Variants in LRRC39 observed in about 807,000 individuals in gnomAD.
The protein encoded by LRRC39 is leucine-rich repeat-containing protein 39.
A neutral mutation model predicts 39.7 loss-of-function variants in LRRC39; 35 were observed. The observed-to-expected ratio is 0.88, with a 90% CI of 0.67 to 1.17. The LOEUF (loss-of-function observed/expected upper bound fraction) is 1.17. Ranked by LOEUF, LRRC39 falls within the 50% of genes most tolerant of loss-of-function variation. The pLI is 0.00. For synonymous variants in LRRC39, 113 were observed against 134.1 expected, an observed-to-expected ratio of 0.84 and a Z score of 1.09; for missense variants, 357 against 385.8, an observed-to-expected ratio of 0.93 and a Z score of 0.62.
chr1:100,161,275 C>G (rs767383007), intron 3 of LRRC39, among the ~76,000 whole-genome samples: 45 of 152,200 alleles, frequency 3.0e-4, no homozygotes, highest in Non-Finnish European at 6.0e-4. Flanking sequence ...TCTCATACCT[C>G]TTGGTAATCA....
At chr1:100,159,178 C>T in intron 5 of LRRC39, 81 bp downstream of exon 5, 1 of 1,294,938 alleles carries the variant, frequency 7.7e-7, no homozygotes, top group Non-Finnish European at 1.0e-6. Context: ...GGTCTTTATT[C>T]CATGTATCCA....
chr1:100,171,352 C>CA (rs1350614470), intron 2 of LRRC39, among the ~76,000 whole-genome samples: 2 of 151,942 alleles, frequency 1.3e-5, no homozygotes, highest in African/African-American at 4.8e-5. Flanking sequence ...GGTCATAGAG[C>CA]AAGTCTCAGT....
At position 100,160,514 on chromosome 1, in the gene LRRC39, G is replaced by A; in HGVS notation, c.171C>T (p.Thr57=). The A allele has an allele frequency of 6.2e-7, 1 of 1,613,540 alleles. No homozygotes were observed. Among genetic ancestry groups the A allele is most frequent in the South Asian group, 1.1e-5 (1 of 91,016 alleles). Reference sequence around the variant, plus strand: ...TCAAAATGACTCTTCCATCTTCCCTGGTGACCTTTTCTCTTAGCTTGGTTA... The same window carrying A: ...TCAAAATGACTCTTCCATCTTCCCTAGTGACCTTTTCTCTTAGCTTGGTTA... ...VSLTKLREKV[T]REDGRVILKI... Residue 57 remains threonine, a synonymous_variant, in exon 4 of 10, where the codon ACC becomes ACT. Transcript: ENST00000370137.
intron 2 of LRRC39, among the ~76,000 whole-genome samples, chr1:100,172,059 C>T (rs1411847052): frequency 6.6e-6 from 1 of 152,062 alleles, no homozygotes; most frequent in Non-Finnish European, 1.5e-5. Context: ...TAAACACACA[C>T]ATGTATAAAA....
At chr1:100,158,487 G>C (rs1658631237) in intron 5 of LRRC39, 120 bp from the exon 6 acceptor site, 4 of 802,430 alleles carry the variant, frequency 5.0e-6, no homozygotes, top group Non-Finnish European at 5.5e-6. Context: ...GCCCAGGCTG[G>C]AGTGCAGTGG....
chr1:100,158,597 C>A (rs1658645104), intron 5 of LRRC39, among the ~76,000 whole-genome samples: 1 of 152,136 alleles, frequency 6.6e-6, no homozygotes, highest in South Asian at 2.1e-4. Context: ...CCACCGCGCC[C>A]AGGTAATTTT....
At chr1:100,161,549 A>C (rs536010106) in intron 3 of LRRC39, among the ~76,000 whole-genome samples, 213 of 152,336 alleles carry the variant, frequency 1.4e-3, no homozygotes, top group African/African-American at 4.9e-3. Flanking sequence ...TAATGCTGCT[A>C]TGAATATTGA....
intron 6 of LRRC39, among the ~76,000 whole-genome samples, chr1:100,156,592 C>CT (rs1417766289): frequency 5.3e-5 from 8 of 152,100 alleles, no homozygotes; most frequent in Non-Finnish European, 7.4e-5. Context: ...CTGGCAAAAC[C>CT]TTTTTTTCCC....
chr1:100,151,011 A>ACGCT (rs1028199512), intron 9 of LRRC39, among the ~76,000 whole-genome samples: 3 of 151,662 alleles, frequency 2.0e-5, no homozygotes, highest in Admixed American at 6.6e-5. Flanking sequence ...GCATGCCTGT[A>ACGCT]AGCTACTCAG....
At chr1:100,166,025 C>T (rs1187094307) in intron 3 of LRRC39, among the ~76,000 whole-genome samples, 1 of 152,068 alleles carries the variant, frequency 6.6e-6, no homozygotes, top group East Asian at 1.9e-4. Context: ...CAGGCGTGAG[C>T]CACCATGTCT....
In LRRC39 at chr1:100,159,239, A is replaced by G. The variant is rs764342699; in HGVS notation, c.376+20T>C. The stretch of plus-strand genomic sequence containing the variant: ...TGCAGGTGGATAAAATAGCACAGGA[A>G]TAAAAGTAATCTTTCTTACCAATCC... On this transcript the variant is annotated intron_variant, in intron 5 of 9. Transcript: ENST00000370137. 4 of 1,574,658 alleles carry G rather than the reference A, an allele frequency of 2.5e-6. No homozygotes were observed. The highest frequency in any genetic ancestry group is 3.4e-6 in the Non-Finnish European group (4 of 1,163,228).
chr1:100,172,493 C>T (rs973051962), intron 2 of LRRC39, among the ~76,000 whole-genome samples: 2 of 150,766 alleles, frequency 1.3e-5, no homozygotes, highest in African/African-American at 2.4e-5. Flanking sequence ...TCAAGACCAG[C>T]CTGGACAACA....
At chr1:100,152,882 A>T (rs566272751) in intron 8 of LRRC39, among the ~76,000 whole-genome samples, 1 of 152,080 alleles carries the variant, frequency 6.6e-6, no homozygotes, top group Non-Finnish European at 1.5e-5. Context: ...GCACACCATG[A>T]CGCCCGGCCA....
chr1:100,148,786 C>T lies in LRRC39; in HGVS notation c.*256G>A. 1 of 1,529,984 alleles carries T rather than the reference C, an allele frequency of 6.5e-7. No individual in the cohort carries two copies. Among genetic ancestry groups the T allele is most frequent in the Non-Finnish European group, 8.8e-7 (1 of 1,141,692 alleles). The allele number at this position is 1,529,984 out of a possible 1,614,324, so 94.8% of individuals were successfully genotyped here. On this transcript the variant is annotated 3_prime_UTR_variant, in exon 10 of 10. Transcript: ENST00000370137. ...GAAAATGTTTTGTTAACTGCTTTAC[C>T]AAATCATTCTTCATCACCAGAAACA...
In LRRC39 at chr1:100,149,318, A is replaced by G. The variant is rs1291766347; in HGVS notation, c.953-221T>C. 3 of 1,539,852 alleles carry G rather than the reference A, an allele frequency of 1.9e-6. No individual in the cohort carries two copies. In the African/African-American group the frequency reaches 4.1e-5, roughly 21 times the overall value. The stretch of plus-strand genomic sequence containing the variant: ...ATTGTGATTTTCTCAAATGCAGACA[A>G]TTCAGAGATATTCACAATTAATAAA... On this transcript the variant is annotated intron_variant, in intron 9 of 9. Coordinates refer to ENST00000370137, the MANE Select transcript of LRRC39 (RefSeq NM_144620.4).
intron 9 of LRRC39, chr1:100,150,493 C>T (rs1657880836): frequency 6.6e-6 from 1 of 152,286 alleles, no homozygotes; most frequent in South Asian, 2.1e-4. Context: ...TATTCTACAA[C>T]AGGCATAATC....
At chr1:100,154,529 C>A (rs1658310689) in intron 8 of LRRC39, among the ~76,000 whole-genome samples, 1 of 152,104 alleles carries the variant, frequency 6.6e-6, no homozygotes, top group South Asian at 2.1e-4. Context: ...GTGACACTCC[C>A]ATCTACCCAT....
Position 100,154,967 on chromosome 1 carries a change from A to G in LRRC39, c.812+84T>C. The G allele has an allele frequency of 2.4e-6, 3 of 1,255,194 alleles. No individual in the cohort carries two copies. The Admixed American group carries it at 8.2e-5, about 34-fold the overall frequency. The allele number at this position is 1,255,194 out of a possible 1,614,324, so 77.8% of individuals were successfully genotyped here. A position where few individuals can be genotyped will look rare whatever the true frequency, so the allele number is the denominator to read the frequency against. ...TTCACATAAATAACAACTGAAATTTATTAATAACAATCTCTCTACAGTACT... is the reference window on the plus strand; with the variant it reads ...TTCACATAAATAACAACTGAAATTTGTTAATAACAATCTCTCTACAGTACT... On this transcript the variant is annotated intron_variant, in intron 8 of 9. Coordinates refer to ENST00000370137, the MANE Select transcript of LRRC39 (RefSeq NM_144620.4).
rs550340120 is a variant in LRRC39 at position 100,165,283 on chromosome 1, C to T, written c.113+3121G>A. Among the ~76,000 whole-genome samples, 3 of 152,232 alleles carry T rather than the reference C, an allele frequency of 2.0e-5. No homozygotes were observed. The East Asian group carries it at 5.8e-4, about 29-fold the overall frequency. On this transcript the variant is annotated intron_variant, in intron 3 of 9. Transcript: ENST00000370137. Reference sequence around the variant, plus strand: ...CTAACAGAGAATCCTCCTCCCTAATCATAAAATAGATGATGCCAAAAAAGA... The same window carrying T: ...CTAACAGAGAATCCTCCTCCCTAATTATAAAATAGATGATGCCAAAAAAGA...
Sources: gnomAD v4.1 joint callset for allele counts (sites outside exome capture counted in the v4.1 genomes callset) on GRCh38, gnomAD v4.1.1 for gene constraint, MANE v1.5 for transcripts, NCBI Gene and HGNC (gene_info 2026-07-23, HGNC 2026-07-21) for gene names.